Variants in TSPAN2 observed in about 807,000 individuals in gnomAD.
TSPAN2 encodes the protein tetraspanin 2, also known as tetraspanin-2.
A neutral mutation model predicts 33.3 loss-of-function variants in TSPAN2; 24 were observed. The observed-to-expected ratio is 0.72, with a 90% CI of 0.52 to 1.01. The LOEUF (loss-of-function observed/expected upper bound fraction) is 1.01. TSPAN2 is among the 50% of genes least tolerant of loss of function. The probability of loss-of-function intolerance (pLI) is 0.00; values close to 1 mark genes in which losing one functional copy is unlikely to be tolerated. For synonymous variants in TSPAN2, 114 were observed against 104.5 expected (o/e 1.09, Z -0.56); for missense variants, 278 against 281.3 (o/e 0.99, Z 0.08).
At position 115,058,922 on chromosome 1, in the gene TSPAN2, C is replaced by T. The variant is rs772777284; in HGVS notation, c.405G>A (p.Arg135=). 8 of 1,613,940 alleles carry T rather than the reference C, an allele frequency of 5.0e-6. No homozygotes were observed. Among genetic ancestry groups the T allele is most frequent in the African/African-American group, 4.0e-5 (3 of 74,900 alleles). Residue 135 remains arginine, a synonymous_variant, in exon 5 of 8, where the codon AGG becomes AGA. Coordinates refer to ENST00000369516, the MANE Select transcript of TSPAN2 (RefSeq NM_005725.6). ...TGATGAGTGTCCCATTGCCTTTTCC[C>T]CTGTCTTTAAGGTAATCATTGTAAG... is the stretch of plus-strand genomic sequence containing the variant. ...EEAYNDYLKD[R]GKGNGTLITF...
chr1:115,060,683 C>T lies in TSPAN2; in HGVS notation c.271-145G>A, dbSNP rs1440701186. 9 of 671,136 alleles carry T rather than the reference C, an allele frequency of 1.3e-5. No homozygotes were observed. In the African/African-American group the frequency reaches 1.5e-4, roughly 11 times the overall value. The allele number at this position is 671,136 out of a possible 1,614,324, so 41.6% of individuals were successfully genotyped here. A position where few individuals can be genotyped will look rare whatever the true frequency, so the allele number is the denominator to read the frequency against. ...ATTCATTCAGCAATTGTTTATTAGG[C>T]ATTTATTCTGCACCAGGTACTGTCC... On this transcript the variant is annotated intron_variant, in intron 3 of 7. Transcript: ENST00000369516.
chr1:115,058,829 C>A, intron 5 of TSPAN2, 54 bp downstream of exon 5: 3 of 1,398,322 alleles, frequency 2.1e-6, no homozygotes, highest in Non-Finnish European at 3.0e-6. Context: ...GAGAACCTGG[C>A]TCACACATAA....
chr1:115,051,368 T>G (rs1675310937), intron 7 of TSPAN2, among the ~76,000 whole-genome samples: 1 of 152,202 alleles, frequency 6.6e-6, no homozygotes, highest in African/African-American at 2.4e-5. Context: ...AAACGATGCT[T>G]CACTGTTTAA....
chr1:115,081,288 G>T (rs1047945408), intron 1 of TSPAN2, among the ~76,000 whole-genome samples: 1 of 152,120 alleles, frequency 6.6e-6, no homozygotes, highest in Non-Finnish European at 1.5e-5. Context: ...AGACAAAGTC[G>T]GCTTCCTGGA....
At chr1:115,073,135 T>C in intron 1 of TSPAN2, 128 bp from the exon 2 acceptor site, 1 of 744,550 alleles carries the variant, frequency 1.3e-6, no homozygotes, top group Non-Finnish European at 2.3e-6. Flanking sequence ...ACCTTCCCAT[T>C]TTATAGGGGA....
rs1282420187 is a variant in TSPAN2, at chr1:115,050,003, T to C, written c.*487A>G. On this transcript the variant is annotated 3_prime_UTR_variant, in exon 8 of 8. Transcript: ENST00000369516. ...CACCCAACTTAGACACAGTCAGTTT[T>C]AACACTCCATTGTGATCTCTCAATT... The C allele has an allele frequency of 1.1e-5, 2 of 187,236 alleles. No individual in the cohort carries two copies. 11.6% of individuals were successfully genotyped at this position (187,236 alleles called of 1,614,324 possible).
chr1:115,062,723 A>AT lies in TSPAN2; in HGVS notation c.173-492dup, dbSNP rs1256402763. 2.6e-5 allele frequency among the ~76,000 whole-genome samples: 4 copies of AT among 152,126 alleles called. No homozygotes were observed. In the East Asian group the frequency reaches 5.8e-4, roughly 22 times the overall value. ...GAATCATGTTAATGGTCTCTATTTCATTTTTTGCATTTTACTCATATGAGT... is the reference window on the plus strand; with the variant it reads ...GAATCATGTTAATGGTCTCTATTTCATTTTTTTGCATTTTACTCATATGAGT... On this transcript the variant is annotated intron_variant, in intron 2 of 7. Coordinates refer to ENST00000369516, the MANE Select transcript of TSPAN2 (RefSeq NM_005725.6).
chr1:115,063,470 G>A (rs150639153), intron 2 of TSPAN2, among the ~76,000 whole-genome samples: 1 of 152,188 alleles, frequency 6.6e-6, no homozygotes, highest in Non-Finnish European at 1.5e-5. Flanking sequence ...ACAATGTTGC[G>A]AATGTAAATC....
At chr1:115,069,486 A>G (rs1570975995) in intron 2 of TSPAN2, among the ~76,000 whole-genome samples, 1 of 152,120 alleles carries the variant, frequency 6.6e-6, no homozygotes, top group South Asian at 2.1e-4. Flanking sequence ...TTCTGGAGTC[A>G]CTCTGGAAGT....
chr1:115,081,077 T>G (rs1341940798), intron 1 of TSPAN2, among the ~76,000 whole-genome samples: 1 of 152,246 alleles, frequency 6.6e-6, no homozygotes, highest in Non-Finnish European at 1.5e-5. Context: ...CAAATGGAAC[T>G]AAGGCTAGAT....
chr1:115,066,679 A>AT (rs34659057), intron 2 of TSPAN2, among the ~76,000 whole-genome samples: 48,545 of 151,954 alleles, frequency 0.32, 8,187 homozygotes, highest in South Asian at 0.51. Flanking sequence ...GCTAATGACC[A>AT]TTTTTTTATT....
chr1:115,052,407 C>A (rs1570963376), intron 7 of TSPAN2, among the ~76,000 whole-genome samples: 1 of 152,134 alleles, frequency 6.6e-6, no homozygotes, highest in African/African-American at 2.4e-5. Context: ...ATCATCCAAC[C>A]CCTGGACAAT....
chr1:115,085,978 G>GA (rs1648817474), intron 1 of TSPAN2, among the ~76,000 whole-genome samples: 1 of 151,992 alleles, frequency 6.6e-6, no homozygotes, highest in Admixed American at 6.6e-5. Flanking sequence ...TTCTAGTGGG[G>GA]AAAATCCACA....
rs548516511 is a variant in TSPAN2, at chr1:115,079,303, AG to A, written c.70-6297del. ...AAATTGGAAATGATGCTTCAACCCT[AG>A]AATTTTCATTAAATGCTTTTAAGCT... On this transcript the variant is annotated intron_variant, in intron 1 of 7. Transcript: ENST00000369516. 1.4e-4 allele frequency among the ~76,000 whole-genome samples: 22 copies of A among 152,346 alleles called. No homozygotes were observed. The East Asian group carries it at 4.2e-3, about 29-fold the overall frequency.
chr1:115,076,524 C>T (rs571258631), intron 1 of TSPAN2, among the ~76,000 whole-genome samples: 10 of 152,178 alleles, frequency 6.6e-5, no homozygotes, highest in African/African-American at 1.7e-4. Flanking sequence ...GGGGAGTGGA[C>T]GTGGAGAGCT....
At chr1:115,088,854 T>C (rs895274093) in intron 1 of TSPAN2, among the ~76,000 whole-genome samples, 4 of 152,082 alleles carry the variant, frequency 2.6e-5, no homozygotes, top group African/African-American at 9.7e-5. Flanking sequence ...TCCAATTTCC[T>C]AAACAAAACC....
chr1:115,078,841 A>G (rs1035853116), intron 1 of TSPAN2, among the ~76,000 whole-genome samples: 1 of 152,260 alleles, frequency 6.6e-6, no homozygotes. Context: ...ACAAGTCTCC[A>G]AGGGAATACT....
chr1:115,082,453 C>T (rs1359406250), intron 1 of TSPAN2, among the ~76,000 whole-genome samples: 2 of 152,208 alleles, frequency 1.3e-5, no homozygotes, highest in African/African-American at 4.8e-5. Flanking sequence ...GCTACTATTT[C>T]ATAGGGTTGT....
chr1:115,073,214 C>T (rs947134647), intron 1 of TSPAN2, among the ~76,000 whole-genome samples: 9 of 152,160 alleles, frequency 5.9e-5, no homozygotes, highest in African/African-American at 2.2e-4. Context: ...TGACATTGGA[C>T]TGGGTTTTTC....
Sources: gnomAD v4.1 joint callset for allele counts (sites outside exome capture counted in the v4.1 genomes callset) on GRCh38, gnomAD v4.1.1 for gene constraint, MANE v1.5 for transcripts, NCBI Gene and HGNC (gene_info 2026-07-23, HGNC 2026-07-21) for gene names.